The following XKR4 variants were observed in gnomAD, a reference collection of about 807,000 sequenced individuals.
The protein encoded by XKR4 is XK-related protein 4.
Under a neutral mutation model 53.9 loss-of-function variants are expected in XKR4, and 12 were observed. The observed-to-expected ratio is 0.22, with a 90% CI of 0.14 to 0.36. The LOEUF is 0.36. Ranked by LOEUF, XKR4 falls within the 10% of genes least tolerant of loss-of-function variation. The probability of loss-of-function intolerance (pLI) is 1.00; values close to 1 mark genes in which losing one functional copy is unlikely to be tolerated. For synonymous variants in XKR4, 354 were observed against 362.4 expected, an observed-to-expected ratio of 0.98 and a Z score of 0.26; for missense variants, 799 against 859.5, an observed-to-expected ratio of 0.93 and a Z score of 0.88.
intron 1 of XKR4, among the ~76,000 whole-genome samples, chr8:55,265,813 T>C (rs1369541674): frequency 6.6e-6 from 1 of 150,886 alleles, no homozygotes; most frequent in Non-Finnish European, 1.5e-5. Context: ...ACCATGTCTC[T>C]ACTAAAAAAA....
chr8:55,260,434 C>T (rs187829570), intron 1 of XKR4, among the ~76,000 whole-genome samples: 12 of 152,336 alleles, frequency 7.9e-5, no homozygotes, highest in Admixed American at 5.9e-4. Flanking sequence ...TTCCACCACC[C>T]TACTGAAGCA....
chr8:55,506,410 C>T (rs150462358), intron 2 of XKR4, among the ~76,000 whole-genome samples: 1 of 152,334 alleles, frequency 6.6e-6, no homozygotes, highest in Non-Finnish European at 1.5e-5. Flanking sequence ...CACTATAGAC[C>T]TGTACTGCAG....
intron 2 of XKR4, among the ~76,000 whole-genome samples, chr8:55,458,808 C>G (rs949877961): frequency 2.6e-5 from 4 of 152,132 alleles, no homozygotes; most frequent in African/African-American, 9.7e-5. Flanking sequence ...TGCTTTGCCC[C>G]TCTGCCAGTG....
At chr8:55,469,669 G>A (rs1195543628) in intron 2 of XKR4, among the ~76,000 whole-genome samples, 1 of 152,118 alleles carries the variant, frequency 6.6e-6, no homozygotes, top group Admixed American at 6.6e-5. Context: ...AGAAGACAAT[G>A]AGGATAGAGT....
intron 1 of XKR4, among the ~76,000 whole-genome samples, chr8:55,138,491 T>C (rs769203081): frequency 3.3e-5 from 5 of 152,214 alleles, no homozygotes; most frequent in Admixed American, 6.5e-5. Flanking sequence ...AAATGAAGTC[T>C]TTCTTAGATG....
At chr8:55,196,302 C>T (rs1386795368) in intron 1 of XKR4, among the ~76,000 whole-genome samples, 2 of 151,934 alleles carry the variant, frequency 1.3e-5, no homozygotes, top group African/African-American at 2.4e-5. Context: ...CTGTCTCAGC[C>T]TCCTGAGTAG....
chr8:55,257,509 C>T (rs1231624492), intron 1 of XKR4, among the ~76,000 whole-genome samples: 1 of 151,960 alleles, frequency 6.6e-6, no homozygotes, highest in Non-Finnish European at 1.5e-5. Flanking sequence ...AAAAGAGTTC[C>T]TGCTCCTGGG....
intron 1 of XKR4, among the ~76,000 whole-genome samples, chr8:55,275,302 G>A (rs1275662431): frequency 6.6e-6 from 1 of 152,118 alleles, no homozygotes; most frequent in Non-Finnish European, 1.5e-5. Flanking sequence ...AGAAAAAAGT[G>A]TAAATGGATT....
At chr8:55,273,591 A>T (rs1818723450) in intron 1 of XKR4, among the ~76,000 whole-genome samples, 1 of 152,130 alleles carries the variant, frequency 6.6e-6, no homozygotes, top group Non-Finnish European at 1.5e-5. Context: ...CACTTGATGG[A>T]TCAGCTGGCT....
rs569507730 is a variant in XKR4 at position 55,537,311 on chromosome 8, T to C, written c.*13084T>C. 119 of 152,344 alleles carry C rather than the reference T, an allele frequency of 7.8e-4. No homozygotes were observed. Among genetic ancestry groups the C allele is most frequent in the African/African-American group, 2.8e-3 (115 of 41,578 alleles). 9.4% of individuals were successfully genotyped at this position (152,344 alleles called of 1,614,324 possible). On this transcript the variant is annotated 3_prime_UTR_variant, in exon 3 of 3. Transcript: ENST00000327381. ...TGAGATGTTCATCCTGACATTTGCGTTCCTGATTATTTGTGGACATTTCTT... is the reference window on the plus strand; with the variant it reads ...TGAGATGTTCATCCTGACATTTGCGCTCCTGATTATTTGTGGACATTTCTT...
chr8:55,375,633 A>G (rs1804134241), intron 2 of XKR4, among the ~76,000 whole-genome samples: 2 of 152,102 alleles, frequency 1.3e-5, no homozygotes, highest in Non-Finnish European at 1.5e-5. Flanking sequence ...CCACTCACCT[A>G]TATTTTTAGC....
chr8:55,495,263 A>C (rs1395920335), intron 2 of XKR4, among the ~76,000 whole-genome samples: 1 of 152,122 alleles, frequency 6.6e-6, no homozygotes, highest in Non-Finnish European at 1.5e-5. Flanking sequence ...GGTGCTTCTG[A>C]GCCTGCTGCA....
chr8:55,483,473 A>G (rs1042248757), intron 2 of XKR4, among the ~76,000 whole-genome samples: 5 of 152,170 alleles, frequency 3.3e-5, no homozygotes, highest in African/African-American at 1.2e-4. Context: ...GTAATGAGAA[A>G]TGGGGCTGGA....
intron 1 of XKR4, among the ~76,000 whole-genome samples, chr8:55,220,529 A>G (rs116651753): frequency 0.028 from 4,192 of 152,328 alleles, 194 homozygotes; most frequent in African/African-American, 0.095. Context: ...ACTAAAGCCC[A>G]CAGCTCCTGA....
At chr8:55,357,977 C>G in intron 2 of XKR4, 100 bp downstream of exon 2, 1 of 1,167,652 alleles carries the variant, frequency 8.6e-7, no homozygotes, top group Non-Finnish European at 1.2e-6. Flanking sequence ...TTGACACAGG[C>G]CTGTGATGTG....
At chr8:55,140,552 TAA>T (rs1368234895) in intron 1 of XKR4, among the ~76,000 whole-genome samples, 1 of 152,236 alleles carries the variant, frequency 6.6e-6, no homozygotes, top group Non-Finnish European at 1.5e-5. Context: ...TATTCTTCGC[TAA>T]TAAAAGGTGG....
At chr8:55,464,070 C>T (rs907034129) in intron 2 of XKR4, among the ~76,000 whole-genome samples, 2 of 152,142 alleles carry the variant, frequency 1.3e-5, no homozygotes, top group Admixed American at 6.5e-5. Flanking sequence ...GGTACCATTC[C>T]TTCTGAAACT....
chr8:55,396,383 GT>G (rs5891571), intron 2 of XKR4, among the ~76,000 whole-genome samples: 81,555 of 121,962 alleles, frequency 0.67, 27,348 homozygotes, highest in African/African-American at 0.84. Flanking sequence ...GTTTTTTTGT[GT>G]TTTTTTTTTG....
At chr8:55,291,676 T>C (rs1313284201) in intron 1 of XKR4, among the ~76,000 whole-genome samples, 4 of 152,164 alleles carry the variant, frequency 2.6e-5, no homozygotes, top group Non-Finnish European at 5.9e-5. Context: ...TATGTAGAAA[T>C]ACAACTGAGT....
Sources: allele counts gnomAD v4.1 joint callset (sites outside exome capture counted in the v4.1 genomes callset), GRCh38; gene constraint gnomAD v4.1.1; transcripts MANE v1.5; gene names NCBI Gene and HGNC (gene_info 2026-07-23, HGNC 2026-07-21).